Variants in RBFOX1 observed in about 807,000 individuals in gnomAD.
The protein encoded by RBFOX1 is RNA binding protein fox-1 homolog 1.
In RBFOX1, 8 loss-of-function variants were observed where a neutral mutation model predicts 57.7. The ratio of observed to expected loss-of-function variants is 0.14; its 90% CI spans 0.08 to 0.25. The LOEUF (loss-of-function observed/expected upper bound fraction) is 0.25, where lower values mean the gene tolerates loss of function less well. Ranked by LOEUF, RBFOX1 falls within the 10% of genes least tolerant of loss-of-function variation. RBFOX1 has a pLI of 1.00. For missense variants in RBFOX1, 611 were observed against 548.5 expected (o/e 1.11, Z -1.14); for synonymous variants, 326 against 222.4 (o/e 1.47, Z -4.15).
intron 1 of RBFOX1, among the ~76,000 whole-genome samples, chr16:6,070,806 C>T (rs888941457): frequency 1.3e-5 from 2 of 151,644 alleles, no homozygotes; most frequent in Non-Finnish European, 2.9e-5. Context: ...AAATTATACA[C>T]ACACACGCTC....
chr16:7,340,553 G>A lies in RBFOX1; in HGVS notation c.28-177594G>A, dbSNP rs563518897. Among the ~76,000 whole-genome samples the A allele has an allele frequency of 1.2e-4, 19 of 152,308 alleles. No individual in the cohort carries two copies. The South Asian group carries it at 3.9e-3, about 32-fold the overall frequency. ...GACTAGTAAGTCACAACCTAGGGAA[G>A]TCAAGACAGTCCAACCAGGACATCC... On this transcript the variant is annotated intron_variant, in intron 4 of 15. Transcript: ENST00000550418.
intron 1 of RBFOX1, among the ~76,000 whole-genome samples, chr16:6,229,142 C>T (rs1284683619): frequency 1.3e-5 from 2 of 152,062 alleles, no homozygotes; most frequent in South Asian, 2.1e-4. Context: ...AGATAAATGA[C>T]ATCTCCTTAC....
intron 2 of RBFOX1, among the ~76,000 whole-genome samples, chr16:5,531,320 C>G (rs2044469931): frequency 6.6e-6 from 1 of 151,958 alleles, no homozygotes; most frequent in South Asian, 2.1e-4. Flanking sequence ...ATTGTTAAAT[C>G]CTGGGAAATT....
intron 3 of RBFOX1, among the ~76,000 whole-genome samples, chr16:6,741,702 G>C (rs2072196965): frequency 6.6e-6 from 1 of 151,826 alleles, no homozygotes; most frequent in African/African-American, 2.4e-5. Context: ...TGTGGTCTCT[G>C]AACAATCCTG....
At chr16:5,714,347 C>G (rs995831502) in intron 3 of RBFOX1, among the ~76,000 whole-genome samples, 4 of 152,202 alleles carry the variant, frequency 2.6e-5, no homozygotes, top group African/African-American at 4.8e-5. Context: ...TTGCCTTGAA[C>G]TGCTCCCATC....
intron 3 of RBFOX1, among the ~76,000 whole-genome samples, chr16:7,013,497 C>T (rs905663892): frequency 6.6e-6 from 1 of 152,152 alleles, no homozygotes; most frequent in Non-Finnish European, 1.5e-5. Flanking sequence ...TCTAAATATC[C>T]TGCATTACAC....
intron 3 of RBFOX1, among the ~76,000 whole-genome samples, chr16:7,029,082 ACACACACAC>A (rs2041965021): frequency 1.8e-3 from 10 of 5,674 alleles, no homozygotes; most frequent in East Asian, 0.019. Flanking sequence ...ATATATATAT[ACACACACAC>A]ACACACACAC....
At chr16:6,489,270 A>G (rs1001744175) in intron 2 of RBFOX1, among the ~76,000 whole-genome samples, 14 of 152,176 alleles carry the variant, frequency 9.2e-5, no homozygotes, top group Non-Finnish European at 1.6e-4. Flanking sequence ...TTCCCTCAGT[A>G]TTCAAATGGC....
At chr16:6,129,677 A>G (rs941485296) in intron 1 of RBFOX1, among the ~76,000 whole-genome samples, 1 of 147,992 alleles carries the variant, frequency 6.8e-6, no homozygotes, top group Admixed American at 6.9e-5. Context: ...GAAGATTAGT[A>G]GATCAGGTTA....
Position 7,004,046 on chromosome 16 carries a change from G to A in RBFOX1, c.-15-48011G>A, listed in dbSNP as rs1048781034. The A allele has an allele frequency of 4.3e-5, 6 of 140,074 alleles. No homozygotes were observed. The South Asian group carries it at 6.9e-4, about 16-fold the overall frequency. 8.7% of individuals were successfully genotyped at this position (140,074 alleles called of 1,614,324 possible). ...CTTCACAAATTTGCGTGCCATCTTT[G>A]CACAGGTGCCATACCACCTTCTCTG... On this transcript the variant is annotated intron_variant, in intron 3 of 15. Coordinates refer to ENST00000550418, the MANE Select transcript of RBFOX1 (RefSeq NM_018723.4).
At chr16:6,163,412 C>T (rs952424820) in intron 1 of RBFOX1, among the ~76,000 whole-genome samples, 3 of 152,172 alleles carry the variant, frequency 2.0e-5, no homozygotes, top group East Asian at 3.9e-4. Flanking sequence ...TGAGCATAAG[C>T]GATTGGTAAG....
chr16:7,053,581 A>G (rs542367560), intron 4 of RBFOX1, among the ~76,000 whole-genome samples: 11 of 152,302 alleles, frequency 7.2e-5, no homozygotes, highest in Admixed American at 5.2e-4. Context: ...TGAAATCTCT[A>G]TTGCAAATGA....
At chr16:5,822,179 A>G (rs1319625628) in intron 3 of RBFOX1, among the ~76,000 whole-genome samples, 2 of 152,256 alleles carry the variant, frequency 1.3e-5, no homozygotes, top group African/African-American at 4.8e-5. Flanking sequence ...GAAGTAACTC[A>G]GGAATGAAAA....
rs746999419 is a variant in RBFOX1 at position 6,562,880 on chromosome 16, C to CTTTCTTTCTTTT, written c.-63-91720_-63-91719insCTTTCTTTTTTT. ...TCTTTCTTTCTTTCTTTCTTTCTTTCTTTTTTTTTTTTTTTTTTGCATAGT... is the reference window on the plus strand; with the variant it reads ...TCTTTCTTTCTTTCTTTCTTTCTTTCTTTCTTTCTTTTTTTTTTTTTTTTTTTTTTGCATAGT... On this transcript the variant is annotated intron_variant, in intron 2 of 15. Coordinates refer to ENST00000550418, the MANE Select transcript of RBFOX1 (RefSeq NM_018723.4). Among the ~76,000 whole-genome samples the CTTTCTTTCTTTT allele has an allele frequency of 1.4e-3, 74 of 51,754 alleles. 1 individual carries two copies. Among genetic ancestry groups the CTTTCTTTCTTTT allele is most frequent in the South Asian group, 2.7e-3 (2 of 750 alleles). 34.0% of individuals were successfully genotyped at this position (51,754 alleles called of 152,430 possible). A position where few individuals can be genotyped will look rare whatever the true frequency, so the allele number is the denominator to read the frequency against.
intron 4 of RBFOX1, among the ~76,000 whole-genome samples, chr16:7,072,058 G>A (rs1486382782): frequency 1.3e-5 from 2 of 152,104 alleles, no homozygotes; most frequent in East Asian, 3.9e-4. Flanking sequence ...TATTTCAATA[G>A]CATTCCAACT....
At chr16:6,872,779 G>C (rs1428938476) in intron 3 of RBFOX1, among the ~76,000 whole-genome samples, 1 of 152,122 alleles carries the variant, frequency 6.6e-6, no homozygotes, top group Non-Finnish European at 1.5e-5. Context: ...AAATAACTGA[G>C]ATAAGAGTTG....
chr16:5,384,492 A>G (rs1407430156), intron 1 of RBFOX1, among the ~76,000 whole-genome samples: 5 of 152,212 alleles, frequency 3.3e-5, no homozygotes, highest in African/African-American at 4.8e-5. Context: ...TGAAGGGTGC[A>G]TAGGAGTTTA....
At chr16:6,378,888 G>A (rs116255183) in intron 2 of RBFOX1, among the ~76,000 whole-genome samples, 24 of 152,228 alleles carry the variant, frequency 1.6e-4, no homozygotes, top group African/African-American at 4.6e-4. Flanking sequence ...AGAGGTGGGC[G>A]GAAATGTTGG....
intron 2 of RBFOX1, among the ~76,000 whole-genome samples, chr16:6,598,138 G>A (rs549787577): frequency 2.6e-5 from 4 of 152,272 alleles, no homozygotes; most frequent in East Asian, 1.9e-4. Flanking sequence ...ATCCACATCC[G>A]TGTCTTCACA....
Sources: allele counts gnomAD v4.1 joint callset (sites outside exome capture counted in the v4.1 genomes callset), GRCh38; gene constraint gnomAD v4.1.1; transcripts MANE v1.5; gene names NCBI Gene and HGNC (gene_info 2026-07-23, HGNC 2026-07-21).